CTNNA2: variants seen among roughly 807,000 people sequenced by gnomAD.
The protein encoded by CTNNA2 is catenin alpha 2.
CTNNA2 carries 42 observed loss-of-function variants against 101.0 expected under a neutral mutation model. The ratio of observed to expected loss-of-function variants is 0.42; its 90% CI spans 0.32 to 0.54. CTNNA2 has a LOEUF of 0.54. Among genes scored for constraint, CTNNA2 ranks in the 20% least tolerant of loss-of-function variants. The probability of loss-of-function intolerance (pLI) is 0.14; values close to 1 mark genes in which losing one functional copy is unlikely to be tolerated. For synonymous variants in CTNNA2, 450 were observed against 456.4 expected (o/e 0.99, Z 0.18); for missense variants, 871 against 1,223.1 (o/e 0.71, Z 4.29).
chr2:79,848,010 G>C (rs1195638836), intron 3 of CTNNA2, among the ~76,000 whole-genome samples: 1 of 152,120 alleles, frequency 6.6e-6, no homozygotes, highest in Non-Finnish European at 1.5e-5. Flanking sequence ...TTTGTGTCAT[G>C]GTTGTAGGAG....
intron 2 of CTNNA2, among the ~76,000 whole-genome samples, chr2:79,715,832 G>A (rs1215662647): frequency 6.7e-6 from 1 of 148,458 alleles, no homozygotes; most frequent in East Asian, 1.9e-4. Context: ...TATATACTAG[G>A]ATAGATACGT....
chr2:80,124,499 C>A (rs1573152758), intron 7 of CTNNA2, among the ~76,000 whole-genome samples: 1 of 152,158 alleles, frequency 6.6e-6, no homozygotes, highest in African/African-American at 2.4e-5. Context: ...AATATAACTT[C>A]ATATTCTTTA....
At chr2:79,476,354 G>A (rs1382517882) in intron 4 of CTNNA2, among the ~76,000 whole-genome samples, 3 of 152,154 alleles carry the variant, frequency 2.0e-5, no homozygotes, top group Non-Finnish European at 1.5e-5. Flanking sequence ...GAGAAATCCT[G>A]AGCATCCAAG....
intron 9 of CTNNA2, among the ~76,000 whole-genome samples, chr2:80,532,898 C>A (rs550855286): frequency 6.6e-6 from 1 of 152,150 alleles, no homozygotes; most frequent in South Asian, 2.1e-4. Flanking sequence ...AAGAGCTGTA[C>A]CCCAGAGGTA....
chr2:79,611,967 C>A (rs1382504922), intron 1 of CTNNA2, among the ~76,000 whole-genome samples: 2 of 152,130 alleles, frequency 1.3e-5, no homozygotes, highest in Non-Finnish European at 2.9e-5. Context: ...TCTAGCAGAT[C>A]TCCCATAGAC....
intron 3 of CTNNA2, among the ~76,000 whole-genome samples, chr2:79,770,402 T>G (rs968347025): frequency 1.3e-5 from 2 of 152,204 alleles, no homozygotes; most frequent in Non-Finnish European, 2.9e-5. Context: ...GCATCATTTT[T>G]TAGACAAAAA....
chr2:80,584,597 C>CACT (rs1695818592), intron 14 of CTNNA2, among the ~76,000 whole-genome samples: 1 of 151,930 alleles, frequency 6.6e-6, no homozygotes, highest in African/African-American at 2.4e-5. Flanking sequence ...AATTGCTAGG[C>CACT]ACTTAACCTT....
chr2:80,196,951 C>T (rs1332280702), intron 7 of CTNNA2, among the ~76,000 whole-genome samples: 3 of 152,200 alleles, frequency 2.0e-5, no homozygotes, highest in Non-Finnish European at 4.4e-5. Flanking sequence ...CTCTTATTCA[C>T]TGACTGCTTT....
intron 6 of CTNNA2, among the ~76,000 whole-genome samples, chr2:79,894,261 A>G (rs1469398255): frequency 2.0e-5 from 3 of 152,088 alleles, no homozygotes; most frequent in Non-Finnish European, 4.4e-5. Context: ...ATCTTCATGA[A>G]CACTGGCTAA....
intron 7 of CTNNA2, among the ~76,000 whole-genome samples, chr2:80,101,076 G>T (rs371197373): frequency 2.6e-5 from 4 of 152,126 alleles, no homozygotes; most frequent in East Asian, 3.9e-4. Context: ...AGGATTGTTT[G>T]ATATGAAATA....
At chr2:79,738,813 G>A (rs1354555967) in intron 2 of CTNNA2, among the ~76,000 whole-genome samples, 1 of 152,182 alleles carries the variant, frequency 6.6e-6, no homozygotes, top group African/African-American at 2.4e-5. Flanking sequence ...AAGAGAAACG[G>A]ACATTTTGAA....
intron 7 of CTNNA2, among the ~76,000 whole-genome samples, chr2:80,092,060 A>G (rs887568302): frequency 1.3e-5 from 2 of 152,074 alleles, no homozygotes; most frequent in Non-Finnish European, 2.9e-5. Flanking sequence ...ACGACAAATG[A>G]TCATTATTAA....
At chr2:80,468,622 T>C (rs1001401057) in intron 9 of CTNNA2, among the ~76,000 whole-genome samples, 3 of 152,196 alleles carry the variant, frequency 2.0e-5, no homozygotes, top group African/African-American at 7.2e-5. Context: ...TTCGCCATAT[T>C]GGCCAGGCTG....
At chr2:80,263,721 C>T (rs373338306) in intron 7 of CTNNA2, among the ~76,000 whole-genome samples, 4 of 152,318 alleles carry the variant, frequency 2.6e-5, no homozygotes, top group South Asian at 4.1e-4. Flanking sequence ...TAACGGCTAC[C>T]ATATAGGACA....
intron 9 of CTNNA2, among the ~76,000 whole-genome samples, chr2:80,490,702 G>GA (rs1365077164): frequency 1.3e-5 from 2 of 151,848 alleles, no homozygotes; most frequent in Admixed American, 6.6e-5. Context: ...TAATATCTAA[G>GA]AAAAAAAGTC....
chr2:80,609,845 C>T (rs550070629), intron 17 of CTNNA2, among the ~76,000 whole-genome samples: 7 of 151,872 alleles, frequency 4.6e-5, no homozygotes, highest in African/African-American at 1.4e-4. Context: ...AGCAGAGCCG[C>T]TCTCCATCAT....
intron 7 of CTNNA2, among the ~76,000 whole-genome samples, chr2:79,954,177 G>A (rs925791031): frequency 4.6e-5 from 7 of 152,112 alleles, no homozygotes; most frequent in African/African-American, 9.7e-5. Flanking sequence ...ATCAGATCAC[G>A]TGAGAATTCA....
intron 4 of CTNNA2, among the ~76,000 whole-genome samples, chr2:79,466,293 T>A (rs1395879577): frequency 3.3e-5 from 5 of 152,074 alleles, no homozygotes; most frequent in Non-Finnish European, 7.4e-5. Context: ...AGCACAGCAG[T>A]CTGAGATCGA....
chr2:79,358,592 C>T (rs751908668), intron 3 of CTNNA2, among the ~76,000 whole-genome samples: 1 of 152,090 alleles, frequency 6.6e-6, no homozygotes, highest in African/African-American at 2.4e-5. Context: ...AACAAAGAAC[C>T]TAAAAAGGAG....
Sources: gnomAD v4.1 joint callset for allele counts (sites outside exome capture counted in the v4.1 genomes callset) on GRCh38, gnomAD v4.1.1 for gene constraint, MANE v1.5 for transcripts, NCBI Gene and HGNC (gene_info 2026-07-23, HGNC 2026-07-21) for gene names.